The following BIRC6 variants were observed in gnomAD, a reference collection of about 807,000 sequenced individuals.
BIRC6 encodes dual E2 ubiquitin-conjugating enzyme/E3 ubiquitin-protein ligase BIRC6.
In BIRC6, 98 loss-of-function variants were observed where a neutral mutation model predicts 503.3. That is an observed-to-expected ratio of 0.19 (90% CI 0.17 to 0.23). The LOEUF is 0.23. Among genes scored for constraint, BIRC6 ranks in the 10% least tolerant of loss-of-function variants. The probability of loss-of-function intolerance (pLI) is 1.00; values close to 1 mark genes in which losing one functional copy is unlikely to be tolerated. For missense variants in BIRC6, 5,360 were observed against 5,806.0 expected (o/e 0.92, Z 2.50); for synonymous variants, 2,240 against 2,078.7 (o/e 1.08, Z -2.11).
intron 65 of BIRC6, among the ~76,000 whole-genome samples, chr2:32,572,962 A>G (rs1160630055): frequency 3.3e-5 from 5 of 152,186 alleles, no homozygotes; most frequent in Middle Eastern, 3.2e-3. Flanking sequence ...TCCTGTTACA[A>G]CTTAATCCCC....
intron 22 of BIRC6, among the ~76,000 whole-genome samples, chr2:32,452,592 G>A (rs2046841592): frequency 6.6e-6 from 1 of 151,990 alleles, no homozygotes; most frequent in Admixed American, 6.6e-5. Flanking sequence ...CTTTCTGCAT[G>A]GCTTTTCTGC....
intron 29 of BIRC6, 127 bp from the exon 30 acceptor site, chr2:32,469,268 G>T: frequency 1.4e-6 from 1 of 735,960 alleles, no homozygotes. Flanking sequence ...TAAATACATT[G>T]CAGAATAAAT....
chr2:32,401,562 A>C lies in BIRC6; in HGVS notation c.1357A>C (p.Thr453Pro). The C allele has an allele frequency of 6.2e-7, 1 of 1,614,034 alleles. No homozygotes were observed. The highest frequency in any genetic ancestry group is 8.5e-7 in the Non-Finnish European group (1 of 1,179,886). ...PSSGVDSRRPTLAWLEDSSSC... is the reference protein window; with the variant it reads ...PSSGVDSRRPPLAWLEDSSSC... Reference sequence around the variant, plus strand: ...CTCAGGAGTTGATTCAAGGAGACCAACTTTGGCGTGGCTGGAGGACTCCTC... The same window carrying C: ...CTCAGGAGTTGATTCAAGGAGACCACCTTTGGCGTGGCTGGAGGACTCCTC... Residue 453 changes from threonine to proline, a missense_variant, in exon 8 of 74, where the codon ACT (threonine) becomes CCT (proline). Physicochemically the swap from Thr to Pro is conservative, Grantham distance 38 (BLOSUM62 -1). Transcript: ENST00000421745.
intron 31 of BIRC6, 82 bp from the exon 32 acceptor site, chr2:32,470,932 T>A: frequency 5.0e-6 from 7 of 1,386,250 alleles, no homozygotes; most frequent in Non-Finnish European, 6.9e-6. Flanking sequence ...TATAGAATGT[T>A]TTGTTTCACT....
chr2:32,515,634 C>G lies in BIRC6; in HGVS notation c.11213C>G (p.Ala3738Gly). 1.2e-6 allele frequency: 2 copies of G among 1,612,748 alleles called. No homozygotes were observed. Among genetic ancestry groups the G allele is most frequent in the Non-Finnish European group, 1.7e-6 (2 of 1,179,878 alleles). The change falls in exon 55 of 74, where the codon GCA (alanine) becomes GGA (glycine). Residue 3738 changes from alanine (A) to glycine (G), a missense_variant. Coordinates refer to ENST00000421745, the MANE Select transcript of BIRC6 (RefSeq NM_016252.4). ...SHNLGAQQTS[A>G]RSASLSSAAT... ...AATTTAGGTGCACAACAGACCAGTG[C>G]AAGATCAGCTTCTCTTTCTTCAGCT...
chr2:32,468,208 A>G lies in BIRC6; in HGVS notation c.5780+97A>G, dbSNP rs538046664. On this transcript the variant is annotated intron_variant, in intron 28 of 73. Transcript: ENST00000421745. The stretch of plus-strand genomic sequence containing the variant: ...TCAAGAAATGTCTTTTCATAGGTGT[A>G]CAGATAAGAGAGCAAGAGGAAGTAG... 7.1e-5 allele frequency: 91 copies of G among 1,284,332 alleles called. No homozygotes were observed. In the Admixed American group the frequency reaches 2.0e-3, roughly 28 times the overall value. 79.6% of individuals were successfully genotyped at this position (1,284,332 alleles called of 1,614,324 possible). A position where few individuals can be genotyped will look rare whatever the true frequency, so the allele number is the denominator to read the frequency against.
chr2:32,466,079 A>T (rs1180668079), intron 26 of BIRC6, among the ~76,000 whole-genome samples: 1 of 151,972 alleles, frequency 6.6e-6, no homozygotes, highest in East Asian at 1.9e-4. Context: ...GAGGATAACT[A>T]TGTTCTTTCT....
At chr2:32,392,213 T>C (rs1008573014) in intron 5 of BIRC6, 63 bp downstream of exon 5, 17 of 1,161,610 alleles carry the variant, frequency 1.5e-5, no homozygotes, top group African/African-American at 3.1e-5. Context: ...AGCAAAATTA[T>C]CACATTTTTT....
At chr2:32,524,801 C>G in intron 57 of BIRC6, 87 bp from the exon 58 acceptor site, 1 of 974,032 alleles carries the variant, frequency 1.0e-6, no homozygotes, top group Non-Finnish European at 1.4e-6. Context: ...ATAATATTAT[C>G]TTGCATAATC....
At chr2:32,477,310 C>A in intron 34 of BIRC6, 58 bp from the exon 35 acceptor site, 1 of 1,540,848 alleles carries the variant, frequency 6.5e-7, no homozygotes, top group Non-Finnish European at 8.8e-7. Flanking sequence ...TAAATCTATA[C>A]TGAAAAAATT....
chr2:32,439,191 G>A (rs978149676), intron 15 of BIRC6, among the ~76,000 whole-genome samples: 9 of 141,848 alleles, frequency 6.3e-5, no homozygotes, highest in Non-Finnish European at 9.8e-5. Context: ...GTGTGTGTGC[G>A]TGTGTATGTG....
At chr2:32,506,534 T>A (rs2053814114) in intron 50 of BIRC6, among the ~76,000 whole-genome samples, 1 of 152,254 alleles carries the variant, frequency 6.6e-6, no homozygotes, top group Non-Finnish European at 1.5e-5. Flanking sequence ...GGAAAGAGAT[T>A]GCTTTTATTT....
chr2:32,452,947 T>C (rs1385605885), intron 22 of BIRC6, among the ~76,000 whole-genome samples: 1 of 152,112 alleles, frequency 6.6e-6, no homozygotes, highest in African/African-American at 2.4e-5. Context: ...TTATGACAGT[T>C]TATTCTTGTG....
At chr2:32,435,610 T>C in intron 14 of BIRC6, 25 bp downstream of exon 14, 5 of 1,540,602 alleles carry the variant, frequency 3.2e-6, no homozygotes, top group Non-Finnish European at 4.4e-6. Flanking sequence ...AGAGCTGTTG[T>C]CCATGACAGT....
At chr2:32,542,574 A>G (rs1362108759) in intron 61 of BIRC6, among the ~76,000 whole-genome samples, 3 of 152,216 alleles carry the variant, frequency 2.0e-5, no homozygotes, top group African/African-American at 2.4e-5. Context: ...CAGAATTAGA[A>G]AGTTCTCCTT....
At chr2:32,594,157 GA>G (rs1024929552) in intron 67 of BIRC6, 97 bp downstream of exon 67, 4 of 1,353,952 alleles carry the variant, frequency 3.0e-6, no homozygotes, top group Admixed American at 5.6e-5. Context: ...TTATGTTAAT[GA>G]TTTTAAAGCA....
rs759888260 is a variant in BIRC6 at position 32,599,864 on chromosome 2, C to T, written c.13956C>T (p.Ser4652=). The T allele has an allele frequency of 1.4e-5, 23 of 1,613,828 alleles. No individual in the cohort carries two copies. The highest frequency in any genetic ancestry group is 1.6e-4 in the Middle Eastern group (1 of 6,062). Residue 4652 remains serine (S), a synonymous_variant, in exon 70 of 74, where the codon AGC becomes AGT. Coordinates refer to ENST00000421745, the MANE Select transcript of BIRC6 (RefSeq NM_016252.4). ...LVNLETTGGH[S]VRFNPNLYND... is the part of the protein sequence containing the mutation. ...ATCTAGAGACAACTGGTGGTCATAG[C>T]GTGCGATTCAATCCAAACCTTTATA...
At chr2:32,414,199 C>T (rs1180274488) in intron 9 of BIRC6, among the ~76,000 whole-genome samples, 1 of 152,108 alleles carries the variant, frequency 6.6e-6, no homozygotes, top group Non-Finnish European at 1.5e-5. Flanking sequence ...ATTGCTTGAA[C>T]CTGGGAGGCG....
intron 44 of BIRC6, among the ~76,000 whole-genome samples, chr2:32,493,204 C>A (rs1417453986): frequency 2.6e-5 from 4 of 151,780 alleles, no homozygotes; most frequent in Non-Finnish European, 5.9e-5. Context: ...TTGTGAAAAT[C>A]TATGTTGAAG....
Sources: gnomAD v4.1 joint callset for allele counts (sites outside exome capture counted in the v4.1 genomes callset) on GRCh38, gnomAD v4.1.1 for gene constraint, MANE v1.5 for transcripts, NCBI Gene and HGNC (gene_info 2026-07-23, HGNC 2026-07-21) for gene names.